The following PCNP variants were observed in gnomAD, a reference collection of about 807,000 sequenced individuals.
The protein encoded by PCNP is PEST proteolytic signal-containing nuclear protein.
PCNP carries 6 observed loss-of-function variants against 21.8 expected under a neutral mutation model. The ratio of observed to expected loss-of-function variants is 0.28; its 90% CI spans 0.15 to 0.54. PCNP has a LOEUF of 0.54. Ranked by LOEUF, PCNP falls within the 20% of genes least tolerant of loss-of-function variation. The pLI, the probability that PCNP is intolerant of heterozygous loss-of-function variation, is 0.95. For missense variants in PCNP, 161 were observed against 215.5 expected (o/e 0.75, Z 1.58); for synonymous variants, 67 against 73.2 (o/e 0.92, Z 0.43).
Position 101,584,899 on chromosome 3 carries a change from G to A in PCNP, c.280-538G>A, listed in dbSNP as rs1208482174. On this transcript the variant is annotated intron_variant, in intron 2 of 4. Coordinates refer to ENST00000265260, the MANE Select transcript of PCNP (RefSeq NM_020357.3). The stretch of plus-strand genomic sequence containing the variant: ...CACACCTGTAATCCCAGCTATTCAG[G>A]ACGCCAAGTCATGAGAATCATTTGA... Among the ~76,000 whole-genome samples, 3 of 152,296 alleles carry A rather than the reference G, an allele frequency of 2.0e-5. No homozygotes were observed. The East Asian group carries it at 5.8e-4, about 29-fold the overall frequency.
chr3:101,578,562 T>G (rs1935051511), intron 1 of PCNP, among the ~76,000 whole-genome samples: 1 of 152,218 alleles, frequency 6.6e-6, no homozygotes, highest in Non-Finnish European at 1.5e-5. Flanking sequence ...TCATTACAAC[T>G]TTTACTCCTT....
At chr3:101,575,803 T>C (rs1934847755) in intron 1 of PCNP, among the ~76,000 whole-genome samples, 1 of 152,202 alleles carries the variant, frequency 6.6e-6, no homozygotes, top group Admixed American at 6.5e-5. Context: ...CCTGCCATTC[T>C]TTCAGTTGAG....
chr3:101,582,124 A>G (rs1364724288), intron 2 of PCNP, among the ~76,000 whole-genome samples: 1 of 150,636 alleles, frequency 6.6e-6, no homozygotes, highest in Non-Finnish European at 1.5e-5. Flanking sequence ...TACTCAGTAA[A>G]ACTTTTTAGT....
chr3:101,581,192 C>T (rs1040390731), intron 2 of PCNP, among the ~76,000 whole-genome samples: 2 of 152,114 alleles, frequency 1.3e-5, no homozygotes, highest in African/African-American at 4.8e-5. Flanking sequence ...AACATCAGTA[C>T]TTCATTACTC....
At chr3:101,582,791 A>G (rs1256494025) in intron 2 of PCNP, among the ~76,000 whole-genome samples, 1 of 152,260 alleles carries the variant, frequency 6.6e-6, no homozygotes, top group Non-Finnish European at 1.5e-5. Context: ...AAATGTAGGC[A>G]GGAGCAAAAG....
intron 3 of PCNP, among the ~76,000 whole-genome samples, chr3:101,586,545 CGT>C (rs377617517): frequency 8.4e-4 from 84 of 99,794 alleles, no homozygotes; most frequent in African/African-American, 2.2e-3. Context: ...GGCGTATATT[CGT>C]GTGTGTGTGT....
intron 3 of PCNP, among the ~76,000 whole-genome samples, chr3:101,588,357 G>T (rs1182377711): frequency 6.6e-6 from 1 of 152,120 alleles, no homozygotes; most frequent in Admixed American, 6.6e-5. Context: ...CCTGTTTCTT[G>T]TTCTTTGTGT....
At chr3:101,576,409 A>ATTTTTATTTTTTATTT in intron 1 of PCNP, 1 of 1,175,740 alleles carries the variant, frequency 8.5e-7, no homozygotes, top group Non-Finnish European at 1.2e-6. Context: ...TAATTTTTGT[A>ATTTTTATTTTTTATTT]TTTTTATTTT....
At chr3:101,577,174 T>C (rs1175767093) in intron 1 of PCNP, among the ~76,000 whole-genome samples, 4 of 152,368 alleles carry the variant, frequency 2.6e-5, no homozygotes, top group Non-Finnish European at 5.9e-5. Flanking sequence ...ACTACCTGCT[T>C]TAAATAATAG....
At chr3:101,589,473 C>T (rs1248713749) in intron 3 of PCNP, among the ~76,000 whole-genome samples, 1 of 150,884 alleles carries the variant, frequency 6.6e-6, no homozygotes, top group African/African-American at 2.4e-5. Context: ...TGCAGTGGCA[C>T]GATCTCGGCT....
chr3:101,582,064 A>T (rs1043141664), intron 2 of PCNP, among the ~76,000 whole-genome samples: 1 of 150,888 alleles, frequency 6.6e-6, no homozygotes, highest in Admixed American at 6.7e-5. Flanking sequence ...AATTGACATG[A>T]TTCGTAATTT....
At position 101,594,405 on chromosome 3, in the gene PCNP, TTACTAAAGTA is replaced by T. The variant is rs1473973014; in HGVS notation, c.*1653_*1662del. The T allele has an allele frequency of 6.6e-6, 1 of 152,536 alleles. No individual in the cohort carries two copies. The highest frequency in any genetic ancestry group is 2.4e-5 in the African/African-American group (1 of 41,470). 9.4% of individuals were successfully genotyped at this position (152,536 alleles called of 1,614,324 possible). ...AGAGAAATGACTGAGATGAATGTCT[TTACTAAAGTA>T]CCAATAAATTTGTCAAACTCAATAG... On this transcript the variant is annotated 3_prime_UTR_variant, in exon 5 of 5. Transcript: ENST00000265260.
At chr3:101,580,067 G>A (rs1364246187) in intron 2 of PCNP, 63 bp downstream of exon 2, 2 of 1,157,524 alleles carry the variant, frequency 1.7e-6, no homozygotes, top group African/African-American at 1.5e-5. Context: ...TGGAAACGTG[G>A]CGTTTACTAG....
intron 3 of PCNP, among the ~76,000 whole-genome samples, chr3:101,586,063 T>TG (rs1167569175): frequency 6.7e-6 from 1 of 148,530 alleles, no homozygotes; most frequent in Non-Finnish European, 1.5e-5. Flanking sequence ...CCCAGCTACT[T>TG]GGGAGGGTGA....
intron 2 of PCNP, among the ~76,000 whole-genome samples, chr3:101,581,741 C>CT (rs1352183402): frequency 6.6e-6 from 1 of 150,862 alleles, no homozygotes; most frequent in Non-Finnish European, 1.5e-5. Context: ...GCCCCTCTTT[C>CT]TTTTTTTTAT....
chr3:101,584,220 A>G (rs1935376336), intron 2 of PCNP, among the ~76,000 whole-genome samples: 1 of 152,170 alleles, frequency 6.6e-6, no homozygotes, highest in Admixed American at 6.5e-5. Context: ...TAGACATAGG[A>G]TTAGGTAGTT....
chr3:101,578,819 A>G (rs1487575351), intron 1 of PCNP, among the ~76,000 whole-genome samples: 1 of 152,172 alleles, frequency 6.6e-6, no homozygotes, highest in East Asian at 1.9e-4. Flanking sequence ...CTTTTTCTCC[A>G]TAAATAAACT....
At chr3:101,585,902 G>T (rs777976523) in intron 3 of PCNP, among the ~76,000 whole-genome samples, 5 of 152,160 alleles carry the variant, frequency 3.3e-5, no homozygotes, top group Non-Finnish European at 2.9e-5. Flanking sequence ...TAGGCGCGGT[G>T]TCTCATGCCT....
chr3:101,579,535 A>G (rs1935114518), intron 1 of PCNP: 20 of 622,184 alleles, frequency 3.2e-5, no homozygotes, highest in South Asian at 3.0e-4. Flanking sequence ...AAGGGTCTTG[A>G]CTTTTTGTGA....
Sources: gnomAD v4.1 joint callset for allele counts (sites outside exome capture counted in the v4.1 genomes callset) on GRCh38, gnomAD v4.1.1 for gene constraint, MANE v1.5 for transcripts, NCBI Gene and HGNC (gene_info 2026-07-23, HGNC 2026-07-21) for gene names.